Variants in ADAP1 observed in about 807,000 individuals in gnomAD.
ADAP1 encodes arf-GAP with dual PH domain-containing protein 1.
In ADAP1, 31 loss-of-function variants were observed where a neutral mutation model predicts 54.9. That is an observed-to-expected ratio of 0.56 (90% CI 0.42 to 0.76). The LOEUF (loss-of-function observed/expected upper bound fraction) is 0.76, where lower values mean the gene tolerates loss of function less well. Among genes scored for constraint, ADAP1 ranks in the 30% least tolerant of loss-of-function variants. The pLI is 0.00. For missense variants in ADAP1, 535 were observed against 512.4 expected (o/e 1.04, Z -0.42); for synonymous variants, 313 against 202.6 (o/e 1.55, Z -4.63).
At chr7:935,259 G>C in intron 2 of ADAP1, 116 bp downstream of exon 2, 1 of 1,414,512 alleles carries the variant, frequency 7.1e-7, no homozygotes, top group Non-Finnish European at 9.7e-7. Context: ...CAGGCCCCCA[G>C]AGTAGCCCAA....
chr7:916,590 G>A (rs1329619140), intron 4 of ADAP1, among the ~76,000 whole-genome samples: 6 of 152,212 alleles, frequency 3.9e-5, no homozygotes, highest in African/African-American at 1.2e-4. Context: ...GGAGCGAGGG[G>A]TGTGCTGGGT....
At chr7:901,280 T>C in intron 6 of ADAP1, 1 of 343,806 alleles carries the variant, frequency 2.9e-6, no homozygotes, top group South Asian at 2.3e-5. Flanking sequence ...CCAGCGCCCC[T>C]CCTGGGGTCT....
chr7:904,199 G>T lies in ADAP1; in HGVS notation c.575C>A (p.Pro192His). ...ATFQPAKIGH[P>H]HGLQVTYLKD... is the part of the protein sequence containing the mutation. ...CAGGTAGGTGACCTGCAGGCCGTGG[G>T]GGTGGCCGATCTTGGCCGGCTGGAA... The change falls in exon 6 of 11, where the codon CCC (proline) becomes CAC (histidine). Residue 192 changes from proline (P) to histidine (H), a missense_variant. Transcript: ENST00000265846. 6.2e-7 allele frequency: 1 copy of T among 1,611,968 alleles called. No individual in the cohort carries two copies. Among genetic ancestry groups the T allele is most frequent in the Non-Finnish European group, 8.5e-7 (1 of 1,179,512 alleles).
chr7:940,454 C>T (rs1485439017), intron 1 of ADAP1, among the ~76,000 whole-genome samples: 2 of 152,030 alleles, frequency 1.3e-5, no homozygotes, highest in Non-Finnish European at 2.9e-5. Context: ...AGGAGCAACA[C>T]AAGGTTGTCA....
At chr7:902,149 C>T (rs1204023005) in intron 6 of ADAP1, among the ~76,000 whole-genome samples, 6 of 151,222 alleles carry the variant, frequency 4.0e-5, no homozygotes, top group East Asian at 2.0e-4. Flanking sequence ...TGGTGAAACC[C>T]GGTCTCTACT....
Position 926,251 on chromosome 7 carries a change from C to G in ADAP1, c.305+302G>C, listed in dbSNP as rs1419195253. On this transcript the variant is annotated intron_variant, in intron 3 of 10. Transcript: ENST00000265846. This position sits in a 1 kb window ranked among gnomAD's most constrained non-coding sequence, Gnocchi z 4.6. ...TCCCCTCCCAGACCGCCAGGAGCACCTGGGAGGGCCCCTCAGATCCACCCG... is the reference window on the plus strand; with the variant it reads ...TCCCCTCCCAGACCGCCAGGAGCACGTGGGAGGGCCCCTCAGATCCACCCG... 6.6e-6 allele frequency among the ~76,000 whole-genome samples: 1 copy of G among 151,674 alleles called. No individual in the cohort carries two copies. The highest frequency in any genetic ancestry group is 1.9e-4 in the East Asian group (1 of 5,162).
chr7:918,809 C>T (rs964687895), intron 4 of ADAP1, among the ~76,000 whole-genome samples: 8 of 152,344 alleles, frequency 5.3e-5, no homozygotes, highest in East Asian at 1.9e-4. Context: ...CCACAGTACC[C>T]GAGCCCACCT....
rs1282590803 is a variant in ADAP1 at position 926,354 on chromosome 7, C to T, written c.305+199G>A. ...TGACCTTCCCAGCCCCACCCCAGCG[C>T]CCCCCGCCCCAGAACCAAAGCCCGG... is the stretch of plus-strand genomic sequence containing the variant. On this transcript the variant is annotated intron_variant, in intron 3 of 10. Transcript: ENST00000265846. The surrounding 1 kb of genome is among the most constrained non-coding windows in gnomAD (Gnocchi z 4.6). Among the ~76,000 whole-genome samples the T allele has an allele frequency of 6.6e-6, 1 of 151,920 alleles. No individual in the cohort carries two copies. Among genetic ancestry groups the T allele is most frequent in the Non-Finnish European group, 1.5e-5 (1 of 67,928 alleles).
intron 6 of ADAP1, among the ~76,000 whole-genome samples, chr7:903,352 G>A (rs561409894): frequency 6.6e-6 from 1 of 152,184 alleles, no homozygotes; most frequent in East Asian, 1.9e-4. Context: ...GTGGGAAGTT[G>A]TCAGATGGTG....
chr7:901,022 T>A (rs1428326428), intron 6 of ADAP1: 11 of 475,580 alleles, frequency 2.3e-5, no homozygotes, highest in Non-Finnish European at 4.3e-5. Context: ...ATTTTGTAGC[T>A]CAAGCAAGTC....
chr7:900,380 G>C (rs1844728712), intron 7 of ADAP1, among the ~76,000 whole-genome samples, 153 bp downstream of exon 7: 1 of 152,122 alleles, frequency 6.6e-6, no homozygotes, highest in Admixed American at 6.5e-5. Flanking sequence ...AGTGAGGCAG[G>C]AGGGCTGCAG....
intron 1 of ADAP1, among the ~76,000 whole-genome samples, chr7:950,108 T>C (rs1847231561): frequency 6.6e-6 from 1 of 152,228 alleles, no homozygotes; most frequent in Non-Finnish European, 1.5e-5. Flanking sequence ...TGATCCTGTC[T>C]TCACATGCAG....
At chr7:927,634 T>C (rs1583170804) in intron 2 of ADAP1, 1 of 368,730 alleles carries the variant, frequency 2.7e-6, no homozygotes, top group South Asian at 1.9e-5. Context: ...GGCACCAATT[T>C]AAAATTCGAA....
chr7:934,535 C>G (rs1468963394), intron 2 of ADAP1, among the ~76,000 whole-genome samples: 2 of 152,150 alleles, frequency 1.3e-5, no homozygotes, highest in Admixed American at 6.5e-5. Context: ...TCACAGCAGT[C>G]AGGAAGATCA....
intron 4 of ADAP1, among the ~76,000 whole-genome samples, chr7:907,045 G>C (rs1406143002): frequency 6.6e-6 from 1 of 152,088 alleles, no homozygotes; most frequent in Non-Finnish European, 1.5e-5. Flanking sequence ...GACCAGGCTG[G>C]CCTCCTCCCT....
At chr7:940,095 G>C (rs1846901549) in intron 1 of ADAP1, among the ~76,000 whole-genome samples, 1 of 152,154 alleles carries the variant, frequency 6.6e-6, no homozygotes, top group Non-Finnish European at 1.5e-5. Context: ...GTATTTGTGT[G>C]TGAGCATATA....
At chr7:950,071 C>T (rs1847230860) in intron 1 of ADAP1, among the ~76,000 whole-genome samples, 1 of 152,220 alleles carries the variant, frequency 6.6e-6, no homozygotes, top group Admixed American at 6.5e-5. Context: ...AACGGGCACA[C>T]GCAATGTGGT....
At chr7:932,984 T>C (rs1342754869) in intron 2 of ADAP1, among the ~76,000 whole-genome samples, 1 of 152,118 alleles carries the variant, frequency 6.6e-6, no homozygotes, top group African/African-American at 2.4e-5. Context: ...TCGAATTCCT[T>C]GGCTCAGCCA....
In ADAP1 at chr7:946,397, TG is replaced by T. The variant is rs1847140769; in HGVS notation, c.82+7998del. Among the ~76,000 whole-genome samples the T allele has an allele frequency of 6.6e-6, 1 of 151,970 alleles. No individual in the cohort carries two copies. Among genetic ancestry groups the T allele is most frequent in the South Asian group, 2.1e-4 (1 of 4,824 alleles). The stretch of plus-strand genomic sequence containing the variant: ...CCCTGGTCCCATTCCATTGTGAGGA[TG>T]GGGCCCTTTGGCCCTAGGAACAGGC... On this transcript the variant is annotated intron_variant, in intron 1 of 10. Coordinates refer to ENST00000265846, the MANE Select transcript of ADAP1 (RefSeq NM_006869.4). This position sits in a 1 kb window ranked among gnomAD's most constrained non-coding sequence, Gnocchi z 4.3.
Sources: allele counts gnomAD v4.1 joint callset (sites outside exome capture counted in the v4.1 genomes callset), GRCh38; gene constraint gnomAD v4.1.1; non-coding constraint Gnocchi (gnomAD v3.1); transcripts MANE v1.5; gene names NCBI Gene and HGNC (gene_info 2026-07-23, HGNC 2026-07-21).